Variants in MFSD6 observed in about 807,000 individuals in gnomAD.
The protein encoded by MFSD6 is major facilitator superfamily domain-containing protein 6.
A neutral mutation model predicts 56.3 loss-of-function variants in MFSD6; 26 were observed. The observed-to-expected ratio is 0.46, with a 90% confidence interval of 0.34 to 0.64. MFSD6 has a LOEUF of 0.64. MFSD6 is among the 30% of genes least tolerant of loss of function. The probability of loss-of-function intolerance (pLI) is 0.01; values close to 1 mark genes in which losing one functional copy is unlikely to be tolerated. For missense variants in MFSD6, 750 were observed against 986.2 expected, an observed-to-expected ratio of 0.76 and a Z score of 3.21; for synonymous variants, 331 against 366.9, an observed-to-expected ratio of 0.90 and a Z score of 1.12.
chr2:190,470,816 A>G (rs371992162), intron 4 of MFSD6, among the ~76,000 whole-genome samples: 1 of 152,190 alleles, frequency 6.6e-6, no homozygotes, highest in East Asian at 1.9e-4. Flanking sequence ...CAGCTCATTC[A>G]TCAAATTCAT....
Position 190,412,738 on chromosome 2 carries a change from C to A in MFSD6, c.-175-2554C>A. On this transcript the variant is annotated intron_variant, in intron 1 of 7. Coordinates refer to ENST00000392328, the MANE Select transcript of MFSD6 (RefSeq NM_017694.4). This position sits in a 1 kb window ranked among gnomAD's most constrained non-coding sequence, Gnocchi z 4.1. ...TGGGGGTGAGAGGGGCTTGTGTCAG[C>A]CTGATTTGTTTTCCTAAATTCTGAA... 2.1e-6 allele frequency: 1 copy of A among 476,738 alleles called. No homozygotes were observed. Among genetic ancestry groups the A allele is most frequent in the Non-Finnish European group, 2.7e-6 (1 of 365,318 alleles). 29.5% of individuals were successfully genotyped at this position (476,738 alleles called of 1,614,324 possible).
At chr2:190,414,679 C>G (rs1690703849) in intron 1 of MFSD6, among the ~76,000 whole-genome samples, 1 of 152,032 alleles carries the variant, frequency 6.6e-6, no homozygotes, top group Non-Finnish European at 1.5e-5. Flanking sequence ...CAAGGACATC[C>G]TAATTGTCAC....
chr2:190,462,971 TC>T lies in MFSD6; in HGVS notation c.1533-6784del, dbSNP rs935560884. Among the ~76,000 whole-genome samples, 3 of 152,138 alleles carry T rather than the reference TC, an allele frequency of 2.0e-5. No homozygotes were observed. Among genetic ancestry groups the T allele is most frequent in the South Asian group, 4.1e-4 (2 of 4,822 alleles). On this transcript the variant is annotated intron_variant, in intron 3 of 7. Coordinates refer to ENST00000392328, the MANE Select transcript of MFSD6 (RefSeq NM_017694.4). This position sits in a 1 kb window ranked among gnomAD's most constrained non-coding sequence, Gnocchi z 5.7. ...TCAGGCCACCTTCTTGGGATGGGAA[TC>T]CCAAGGAATGCCAGCTGTGGTTCTT...
intron 2 of MFSD6, among the ~76,000 whole-genome samples, chr2:190,427,689 T>C (rs372578904): frequency 2.6e-5 from 4 of 152,112 alleles, no homozygotes; most frequent in African/African-American, 9.7e-5. Flanking sequence ...ATAGAGAAAA[T>C]TGTGTCTACT....
At position 190,457,145 on chromosome 2, in the gene MFSD6, G is replaced by A. The variant is rs926803518; in HGVS notation, c.1533-12613G>A. Among the ~76,000 whole-genome samples the A allele has an allele frequency of 6.6e-6, 1 of 152,156 alleles. No homozygotes were observed. The highest frequency in any genetic ancestry group is 1.5e-5 in the Non-Finnish European group (1 of 68,024). ...GTCTAGGTTTGATTTCATGTAGGGA[G>A]CTTGGAGTGTGGAAAATAGCACATT... On this transcript the variant is annotated intron_variant, in intron 3 of 7. Transcript: ENST00000392328. The surrounding 1 kb of genome is among the most constrained non-coding windows in gnomAD (Gnocchi z 5.1).
Position 190,418,113 on chromosome 2 carries a change from G to A in MFSD6, c.-54+2700G>A, listed in dbSNP as rs922112381. Among the ~76,000 whole-genome samples, 3 of 151,970 alleles carry A rather than the reference G, an allele frequency of 2.0e-5. No homozygotes were observed. The highest frequency in any genetic ancestry group is 4.4e-5 in the Non-Finnish European group (3 of 67,998). On this transcript the variant is annotated intron_variant, in intron 2 of 7. Transcript: ENST00000392328. The surrounding 1 kb of genome is among the most constrained non-coding windows in gnomAD (Gnocchi z 4.1). The stretch of plus-strand genomic sequence containing the variant: ...CTGTCTCATAGCTGCACAGTGCATT[G>A]AGAGTCAGTACCTGCTAAGAGCAGC...
chr2:190,494,116 A>G lies in MFSD6; in HGVS notation c.1892-3323A>G, dbSNP rs1386294101. 6.6e-6 allele frequency among the ~76,000 whole-genome samples: 1 copy of G among 152,150 alleles called. No individual in the cohort carries two copies. The highest frequency in any genetic ancestry group is 2.4e-5 in the African/African-American group (1 of 41,462). On this transcript the variant is annotated intron_variant, in intron 6 of 7. Transcript: ENST00000392328. The surrounding 1 kb of genome is among the most constrained non-coding windows in gnomAD (Gnocchi z 5.7). The stretch of plus-strand genomic sequence containing the variant: ...AAATTGATATATCATTAACAAGATT[A>G]ACCAAGAAAAGAAAAGAGAAAATCC...
chr2:190,410,212 T>C lies in MFSD6; in HGVS notation c.-176+1709T>C, dbSNP rs1043630512. 3.3e-5 allele frequency among the ~76,000 whole-genome samples: 5 copies of C among 152,150 alleles called. No homozygotes were observed. Among genetic ancestry groups the C allele is most frequent in the African/African-American group, 9.7e-5 (4 of 41,392 alleles). ...ATTAAGGCATTTTTTTGGGTACTTA[T>C]TATGTTCAAGACACCATTGTAAACA... On this transcript the variant is annotated intron_variant, in intron 1 of 7. Transcript: ENST00000392328. This position sits in a 1 kb window ranked among gnomAD's most constrained non-coding sequence, Gnocchi z 4.4.
At position 190,485,183 on chromosome 2, in the gene MFSD6, AG is replaced by A. The variant is rs1316422116; in HGVS notation, c.1631-3469del. On this transcript the variant is annotated intron_variant, in intron 4 of 7. Coordinates refer to ENST00000392328, the MANE Select transcript of MFSD6 (RefSeq NM_017694.4). This position sits in a 1 kb window ranked among gnomAD's most constrained non-coding sequence, Gnocchi z 5.1. ...TTAGAAAATGATTAGAATTTCTGAGAGGGGGAAAATAGATACAAACCCTGTG... is the reference window on the plus strand; with the variant it reads ...TTAGAAAATGATTAGAATTTCTGAGAGGGGAAAATAGATACAAACCCTGTG... Among the ~76,000 whole-genome samples, 1 of 152,198 alleles carries A rather than the reference AG, an allele frequency of 6.6e-6. No homozygotes were observed. The highest frequency in any genetic ancestry group is 1.9e-4 in the East Asian group (1 of 5,206).
chr2:190,426,112 GT>G lies in MFSD6; in HGVS notation c.-53-9860del, dbSNP rs1392986192. Among the ~76,000 whole-genome samples, 1 of 152,118 alleles carries G rather than the reference GT, an allele frequency of 6.6e-6. No homozygotes were observed. Among genetic ancestry groups the G allele is most frequent in the East Asian group, 1.9e-4 (1 of 5,202 alleles). Reference sequence around the variant, plus strand: ...TTTATGTCTTTTGCCAATTTGAGAAGTTTTTAGCCTTTACTTCTTTGACAAC... The same window carrying G: ...TTTATGTCTTTTGCCAATTTGAGAAGTTTTAGCCTTTACTTCTTTGACAAC... On this transcript the variant is annotated intron_variant, in intron 2 of 7. Coordinates refer to ENST00000392328, the MANE Select transcript of MFSD6 (RefSeq NM_017694.4). The surrounding 1 kb of genome is among the most constrained non-coding windows in gnomAD (Gnocchi z 4.7).
In MFSD6 at chr2:190,463,777, G is replaced by A. The variant is rs886072895; in HGVS notation, c.1533-5981G>A. On this transcript the variant is annotated intron_variant, in intron 3 of 7. Coordinates refer to ENST00000392328, the MANE Select transcript of MFSD6 (RefSeq NM_017694.4). This position sits in a 1 kb window ranked among gnomAD's most constrained non-coding sequence, Gnocchi z 4.4. ...CAAGGCTGCATTGAGCTGTGATGAC[G>A]CTACTGCACTCCAGCCTGGGTAACA... 3.5e-5 allele frequency: 23 copies of A among 654,684 alleles called. No individual in the cohort carries two copies. The highest frequency in any genetic ancestry group is 1.3e-4 in the Admixed American group (2 of 15,872). 40.6% of individuals were successfully genotyped at this position (654,684 alleles called of 1,614,324 possible). A position where few individuals can be genotyped will look rare whatever the true frequency, so the allele number is the denominator to read the frequency against.
rs544585504 is a variant in MFSD6 at position 190,461,400 on chromosome 2, G to C, written c.1533-8358G>C. On this transcript the variant is annotated intron_variant, in intron 3 of 7. Transcript: ENST00000392328. The surrounding 1 kb of genome is among the most constrained non-coding windows in gnomAD (Gnocchi z 5.5). ...AGACTATCCATTATATGAGGTTCTAGTGTTGTATCCTTTTAGAGATATTCT... is the reference window on the plus strand; with the variant it reads ...AGACTATCCATTATATGAGGTTCTACTGTTGTATCCTTTTAGAGATATTCT... Among the ~76,000 whole-genome samples, 1 of 152,332 alleles carries C rather than the reference G, an allele frequency of 6.6e-6. No homozygotes were observed. Among genetic ancestry groups the C allele is most frequent in the East Asian group, 1.9e-4 (1 of 5,188 alleles).
intron 3 of MFSD6, among the ~76,000 whole-genome samples, chr2:190,468,477 G>T (rs1440925151): frequency 2.2e-4 from 33 of 148,610 alleles, no homozygotes; most frequent in Non-Finnish European, 2.1e-4. Context: ...TTTTGAGACA[G>T]GGTCTTGCTC....
In MFSD6 at chr2:190,498,110, T is replaced by G; in HGVS notation, c.2172+391T>G. 5.6e-6 allele frequency: 1 copy of G among 179,346 alleles called. No homozygotes were observed. Among genetic ancestry groups the G allele is most frequent in the Non-Finnish European group, 1.2e-5 (1 of 83,262 alleles). 11.1% of individuals were successfully genotyped at this position (179,346 alleles called of 1,614,324 possible). A position where few individuals can be genotyped will look rare whatever the true frequency, so the allele number is the denominator to read the frequency against. On this transcript the variant is annotated intron_variant, in intron 7 of 7. Transcript: ENST00000392328. The surrounding 1 kb of genome is among the most constrained non-coding windows in gnomAD (Gnocchi z 5.9). Reference sequence around the variant, plus strand: ...AATAAATATTTGTTGAATTAATTAATCTGAGCCACTGTATGGGTCTGATAG... The same window carrying G: ...AATAAATATTTGTTGAATTAATTAAGCTGAGCCACTGTATGGGTCTGATAG...
rs1265669176 is a variant in MFSD6, at chr2:190,471,674, A to G, written c.1630+1819A>G. Among the ~76,000 whole-genome samples, 1 of 152,236 alleles carries G rather than the reference A, an allele frequency of 6.6e-6. No homozygotes were observed. ...TAAACTCCACCTCTGGGGGCAGAGC[A>G]TAGCCAAACAAAAGGCAGCAGAAAC... On this transcript the variant is annotated intron_variant, in intron 4 of 7. Transcript: ENST00000392328. This position sits in a 1 kb window ranked among gnomAD's most constrained non-coding sequence, Gnocchi z 4.7.
At chr2:190,432,450 C>T (rs760688710) in intron 2 of MFSD6, among the ~76,000 whole-genome samples, 1 of 152,082 alleles carries the variant, frequency 6.6e-6, no homozygotes, top group Non-Finnish European at 1.5e-5. Flanking sequence ...AGTCTTGCTC[C>T]GTCACCCAGG....
chr2:190,439,786 T>C lies in MFSD6; in HGVS notation c.1532+2225T>C, dbSNP rs751463293. 5.9e-5 allele frequency among the ~76,000 whole-genome samples: 9 copies of C among 152,390 alleles called. No homozygotes were observed. The East Asian group carries it at 9.6e-4, about 16-fold the overall frequency. On this transcript the variant is annotated intron_variant, in intron 3 of 7. Coordinates refer to ENST00000392328, the MANE Select transcript of MFSD6 (RefSeq NM_017694.4). This position sits in a 1 kb window ranked among gnomAD's most constrained non-coding sequence, Gnocchi z 5.8. Reference sequence around the variant, plus strand: ...ATCAGTATGTGGTCATTTACCTGTTTTGAATTTTCATTCTGTCCATTAAAA... The same window carrying C: ...ATCAGTATGTGGTCATTTACCTGTTCTGAATTTTCATTCTGTCCATTAAAA...
At position 190,454,448 on chromosome 2, in the gene MFSD6, GT is replaced by G. The variant is rs1264230128; in HGVS notation, c.1533-15309del. 6.6e-6 allele frequency: 1 copy of G among 152,212 alleles called. No homozygotes were observed. The highest frequency in any genetic ancestry group is 1.5e-5 in the Non-Finnish European group (1 of 68,082). 9.4% of individuals were successfully genotyped at this position (152,212 alleles called of 1,614,324 possible). A position where few individuals can be genotyped will look rare whatever the true frequency, so the allele number is the denominator to read the frequency against. ...GTAATGAAGTTTAGAGGTCATGAGA[GT>G]GGGGCCCTCATAATGGGGTTAGTGC... On this transcript the variant is annotated intron_variant, in intron 3 of 7. Coordinates refer to ENST00000392328, the MANE Select transcript of MFSD6 (RefSeq NM_017694.4). The surrounding 1 kb of genome is among the most constrained non-coding windows in gnomAD (Gnocchi z 4.6).
At chr2:190,409,118 T>A (rs1690447072) in intron 1 of MFSD6, among the ~76,000 whole-genome samples, 1 of 152,060 alleles carries the variant, frequency 6.6e-6, no homozygotes, top group Non-Finnish European at 1.5e-5. Flanking sequence ...CTAGCAGACA[T>A]CCCCCACCTC....
Sources: allele counts gnomAD v4.1 joint callset (sites outside exome capture counted in the v4.1 genomes callset), GRCh38; gene constraint gnomAD v4.1.1; non-coding constraint Gnocchi (gnomAD v3.1); transcripts MANE v1.5; gene names NCBI Gene and HGNC (gene_info 2026-07-23, HGNC 2026-07-21).